The following PSD3 variants were observed in gnomAD, a reference collection of about 807,000 sequenced individuals.
PSD3 encodes pleckstrin and Sec7 domain containing 3.
A neutral mutation model predicts 105.5 loss-of-function variants in PSD3; 49 were observed. The observed-to-expected ratio is 0.46, with a 90% CI of 0.37 to 0.59. PSD3 has a LOEUF of 0.59. Ranked by LOEUF, PSD3 falls within the 20% of genes least tolerant of loss-of-function variation. PSD3 has a pLI of 0.00. For synonymous variants in PSD3, 557 were observed against 457.8 expected (o/e 1.22, Z -2.77); for missense variants, 1,561 against 1,263.8 (o/e 1.24, Z -3.57).
At chr8:18,591,513 C>T (rs1219636343) in intron 12 of PSD3, among the ~76,000 whole-genome samples, 2 of 152,106 alleles carry the variant, frequency 1.3e-5, no homozygotes, top group Non-Finnish European at 2.9e-5. Flanking sequence ...GCCCTCATTT[C>T]AGCTCTTCTT....
intron 9 of PSD3, among the ~76,000 whole-genome samples, chr8:18,699,168 C>G (rs1801431403): frequency 6.6e-6 from 1 of 152,114 alleles, no homozygotes; most frequent in Non-Finnish European, 1.5e-5. Context: ...TGAGTGAAAG[C>G]TATGTGTGCC....
At chr8:18,562,613 G>A (rs1801463954) in intron 14 of PSD3, among the ~76,000 whole-genome samples, 3 of 152,136 alleles carry the variant, frequency 2.0e-5, no homozygotes, top group South Asian at 2.1e-4. Flanking sequence ...TACAGGCTGG[G>A]CCTGGTGACT....
intron 1 of PSD3, among the ~76,000 whole-genome samples, chr8:19,010,969 A>G (rs1285973269): frequency 1.3e-5 from 2 of 151,254 alleles, no homozygotes; most frequent in African/African-American, 4.9e-5. Context: ...GTCACACTAG[A>G]TCCCCAGCCT....
intron 9 of PSD3, among the ~76,000 whole-genome samples, chr8:18,746,108 C>A (rs1427054608): frequency 6.6e-6 from 1 of 152,248 alleles, no homozygotes; most frequent in Non-Finnish European, 1.5e-5. Context: ...ATACTTTCCT[C>A]TGATGGGTCC....
chr8:18,673,831 G>A (rs933327181), intron 9 of PSD3, among the ~76,000 whole-genome samples: 1 of 152,124 alleles, frequency 6.6e-6, no homozygotes, highest in African/African-American at 2.4e-5. Context: ...ACTTATCAGA[G>A]AGAAAGAACA....
chr8:19,063,535 C>T (rs1404858227), intron 1 of PSD3, among the ~76,000 whole-genome samples: 1 of 152,138 alleles, frequency 6.6e-6, no homozygotes, highest in Non-Finnish European at 1.5e-5. Flanking sequence ...CTCACTACAT[C>T]GTGGTGAGAC....
intron 1 of PSD3, among the ~76,000 whole-genome samples, chr8:18,975,964 T>C (rs1824923605): frequency 6.6e-6 from 1 of 152,158 alleles, no homozygotes; most frequent in Non-Finnish European, 1.5e-5. Context: ...TACGAATCAA[T>C]GCCTTAAAAA....
chr8:19,040,393 C>CG (rs1563524875), intron 1 of PSD3, among the ~76,000 whole-genome samples: 1 of 151,942 alleles, frequency 6.6e-6, no homozygotes, highest in African/African-American at 2.4e-5. Context: ...TTTGTAGAGA[C>CG]GGGGGTCTTG....
At chr8:18,870,430 T>C (rs111471913) in intron 3 of PSD3, among the ~76,000 whole-genome samples, 2,603 of 152,028 alleles carry the variant, frequency 0.017, 65 homozygotes, top group African/African-American at 0.054. Context: ...CCACATGATG[T>C]CAAGTTTCAA....
chr8:18,539,085 A>G (rs1800001821), intron 15 of PSD3, among the ~76,000 whole-genome samples: 1 of 152,222 alleles, frequency 6.6e-6, no homozygotes, highest in African/African-American at 2.4e-5. Context: ...CTGAGTCTAG[A>G]TTTTACTGAA....
chr8:18,795,732 G>C (rs1810114664), intron 8 of PSD3, among the ~76,000 whole-genome samples: 1 of 152,200 alleles, frequency 6.6e-6, no homozygotes, highest in Admixed American at 6.5e-5. Context: ...GTACAAGCAA[G>C]CTAGTTAGTG....
intron 1 of PSD3, among the ~76,000 whole-genome samples, chr8:19,061,054 T>C (rs1455214763): frequency 6.6e-6 from 1 of 152,178 alleles, no homozygotes; most frequent in Non-Finnish European, 1.5e-5. Flanking sequence ...CTTGGCATGC[T>C]CCATGGGCAT....
chr8:18,911,248 A>T (rs1449337919), intron 2 of PSD3, among the ~76,000 whole-genome samples: 5 of 152,224 alleles, frequency 3.3e-5, no homozygotes, highest in African/African-American at 1.2e-4. Flanking sequence ...AAAGACTGAA[A>T]TAACAAAAAT....
In PSD3 at chr8:18,792,180, A is replaced by G. The variant is rs376539723; in HGVS notation, c.2082+7115T>C. Among the ~76,000 whole-genome samples the G allele has an allele frequency of 2.6e-4, 39 of 152,346 alleles. 2 individuals carry two copies. Among genetic ancestry groups the G allele is most frequent in the Admixed American group, 1.6e-3 (24 of 15,308 alleles). Reference sequence around the variant, plus strand: ...GGTAATTCCTCAAAGACCTAGAACCAGAAATACCATTTGACCTAGCAATCC... The same window carrying G: ...GGTAATTCCTCAAAGACCTAGAACCGGAAATACCATTTGACCTAGCAATCC... On this transcript the variant is annotated intron_variant, in intron 8 of 15. Coordinates refer to ENST00000327040, the MANE Select transcript of PSD3 (RefSeq NM_015310.4).
At chr8:18,829,705 C>T (rs1586158224) in intron 4 of PSD3, among the ~76,000 whole-genome samples, 1 of 152,134 alleles carries the variant, frequency 6.6e-6, no homozygotes, top group South Asian at 2.1e-4. Context: ...ACTGACATGA[C>T]TTCACAATCT....
At chr8:18,659,488 G>T (rs372894652) in intron 9 of PSD3, among the ~76,000 whole-genome samples, 1 of 152,146 alleles carries the variant, frequency 6.6e-6, no homozygotes, top group African/African-American at 2.4e-5. Context: ...TCCATAACTT[G>T]TTTTTCACAA....
rs548914072 is a variant in PSD3, at chr8:18,717,299, C to A, written c.2172+48150G>T. ...TGCAACGGGCCACTTTCTTAAGGAGCAGAACCACTTAAAAGAAAAGGTCAA... is the reference window on the plus strand; with the variant it reads ...TGCAACGGGCCACTTTCTTAAGGAGAAGAACCACTTAAAAGAAAAGGTCAA... On this transcript the variant is annotated intron_variant, in intron 9 of 15. Transcript: ENST00000327040. Among the ~76,000 whole-genome samples the A allele has an allele frequency of 2.6e-5, 4 of 152,032 alleles. No homozygotes were observed. The East Asian group carries it at 7.7e-4, about 29-fold the overall frequency.
chr8:18,565,051 C>T (rs532101191), intron 14 of PSD3, among the ~76,000 whole-genome samples: 2 of 152,170 alleles, frequency 1.3e-5, no homozygotes, highest in Non-Finnish European at 2.9e-5. Flanking sequence ...AGGGTAGGCA[C>T]AGGTTCCTAC....
At chr8:18,578,364 C>T (rs7845142) in intron 12 of PSD3, among the ~76,000 whole-genome samples, 4,560 of 152,186 alleles carry the variant, frequency 0.03, 237 homozygotes, top group African/African-American at 0.1. Context: ...TCTCCAGCTA[C>T]GGCTGCATCC....
Sources: gnomAD v4.1 joint callset for allele counts (sites outside exome capture counted in the v4.1 genomes callset) on GRCh38, gnomAD v4.1.1 for gene constraint, MANE v1.5 for transcripts, NCBI Gene and HGNC (gene_info 2026-07-23, HGNC 2026-07-21) for gene names.